PRKCE: variants seen among roughly 807,000 people sequenced by gnomAD.
PRKCE encodes protein kinase C epsilon.
Under a neutral mutation model 85.4 loss-of-function variants are expected in PRKCE, and 16 were observed. The observed-to-expected ratio is 0.19, with a 90% CI of 0.13 to 0.28. PRKCE has a LOEUF of 0.28. PRKCE is among the 10% of genes least tolerant of loss of function. The pLI is 1.00. For missense variants in PRKCE, 573 were observed against 975.2 expected, an observed-to-expected ratio of 0.59 and a Z score of 5.49; for synonymous variants, 388 against 371.5, an observed-to-expected ratio of 1.04 and a Z score of -0.51.
At chr2:46,005,843 G>A (rs534116483) in intron 8 of PRKCE, among the ~76,000 whole-genome samples, 2 of 152,330 alleles carry the variant, frequency 1.3e-5, no homozygotes, top group South Asian at 2.1e-4. Context: ...GTAGCCTGAT[G>A]TACTCTGGGG....
At chr2:45,941,334 A>C (rs1347829626) in intron 2 of PRKCE, among the ~76,000 whole-genome samples, 3 of 152,192 alleles carry the variant, frequency 2.0e-5, no homozygotes, top group Non-Finnish European at 4.4e-5. Context: ...CTGCATGTTC[A>C]ACAAATATTG....
At chr2:46,110,476 A>C (rs1247596897) in intron 11 of PRKCE, among the ~76,000 whole-genome samples, 1 of 152,212 alleles carries the variant, frequency 6.6e-6, no homozygotes, top group African/African-American at 2.4e-5. Context: ...ATTTGTGGGC[A>C]TAAAGTTCTT....
chr2:46,097,146 C>G (rs1670766519), intron 11 of PRKCE, among the ~76,000 whole-genome samples: 1 of 152,098 alleles, frequency 6.6e-6, no homozygotes, highest in African/African-American at 2.4e-5. Context: ...GACCCAGGGA[C>G]AGGATATATT....
chr2:45,865,641 G>T lies in PRKCE; in HGVS notation c.412+22578G>T, dbSNP rs528656276. On this transcript the variant is annotated intron_variant, in intron 2 of 14. Transcript: ENST00000306156. ...GGACCTTGTAACAGAAGCTCCATCAGCATTCAGCCTGCTTGCCTTTCCAAC... is the reference window on the plus strand; with the variant it reads ...GGACCTTGTAACAGAAGCTCCATCATCATTCAGCCTGCTTGCCTTTCCAAC... 1.8e-3 allele frequency among the ~76,000 whole-genome samples: 281 copies of T among 152,244 alleles called. 1 individual carries two copies. Among genetic ancestry groups the T allele is most frequent in the Non-Finnish European group, 2.4e-3 (164 of 68,004 alleles).
intron 2 of PRKCE, among the ~76,000 whole-genome samples, chr2:45,878,648 G>T (rs997293903): frequency 2.0e-5 from 3 of 152,116 alleles, no homozygotes; most frequent in African/African-American, 7.2e-5. Flanking sequence ...ATTTTCAGGG[G>T]TTGTTATTTT....
At chr2:45,653,381 T>TTTTTTTTTTG (rs2103676445) in intron 1 of PRKCE, among the ~76,000 whole-genome samples, 1 of 143,030 alleles carries the variant, frequency 7.0e-6, no homozygotes, top group South Asian at 2.3e-4. Context: ...TTTTTTTTTT[T>TTTTTTTTTTG]TTTTTTTTTT....
chr2:46,088,587 C>T (rs1245490260), intron 11 of PRKCE, among the ~76,000 whole-genome samples: 1 of 152,178 alleles, frequency 6.6e-6, no homozygotes, highest in Non-Finnish European at 1.5e-5. Flanking sequence ...ACATGCTCTT[C>T]TTGATTTGTG....
rs138159636 is a variant in PRKCE, at chr2:46,099,420, A to G, written c.1592+13058A>G. Among the ~76,000 whole-genome samples, 395 of 152,284 alleles carry G rather than the reference A, an allele frequency of 2.6e-3. 4 individuals carry two copies. Among genetic ancestry groups the G allele is most frequent in the Middle Eastern group, 0.01 (3 of 294 alleles). On this transcript the variant is annotated intron_variant, in intron 11 of 14. Transcript: ENST00000306156. Reference sequence around the variant, plus strand: ...TTTATTACCAAGATCTTAAGCATCAATAGTCACAATACAACATGTTTCCAC... The same window carrying G: ...TTTATTACCAAGATCTTAAGCATCAGTAGTCACAATACAACATGTTTCCAC...
In PRKCE at chr2:46,004,817, T is replaced by C. The variant is rs560220428; in HGVS notation, c.1063+179T>C. ...GTTCTTTCATTCTCCAAGACCTTCT[T>C]GAGGGCTGGGCACTCCATGGCCATA... On this transcript the variant is annotated intron_variant, in intron 8 of 14. Coordinates refer to ENST00000306156, the MANE Select transcript of PRKCE (RefSeq NM_005400.3). This position sits in a 1 kb window ranked among gnomAD's most constrained non-coding sequence, Gnocchi z 4.1. Among the ~76,000 whole-genome samples the C allele has an allele frequency of 6.6e-6, 1 of 152,302 alleles. No individual in the cohort carries two copies. Among genetic ancestry groups the C allele is most frequent in the African/African-American group, 2.4e-5 (1 of 41,574 alleles).
rs1412571807 is a variant in PRKCE at position 46,138,738 on chromosome 2, C to T, written c.1593-6355C>T. On this transcript the variant is annotated intron_variant, in intron 11 of 14. Transcript: ENST00000306156. This position sits in a 1 kb window ranked among gnomAD's most constrained non-coding sequence, Gnocchi z 4.2. ...AGCTGGAGAGGGGGCATACTAATAGCACCTAATGCATCTAATGCATAACAT... is the reference window on the plus strand; with the variant it reads ...AGCTGGAGAGGGGGCATACTAATAGTACCTAATGCATCTAATGCATAACAT... 6.6e-6 allele frequency among the ~76,000 whole-genome samples: 1 copy of T among 152,160 alleles called. No homozygotes were observed. The highest frequency in any genetic ancestry group is 1.5e-5 in the Non-Finnish European group (1 of 68,006).
chr2:46,069,595 A>G (rs1197175349), intron 10 of PRKCE, among the ~76,000 whole-genome samples: 1 of 152,210 alleles, frequency 6.6e-6, no homozygotes, highest in Non-Finnish European at 1.5e-5. Flanking sequence ...TACACAGTTT[A>G]TATGGGCCCT....
intron 11 of PRKCE, among the ~76,000 whole-genome samples, chr2:46,092,432 G>A (rs761620158): frequency 6.6e-6 from 1 of 152,154 alleles, no homozygotes. Context: ...CCAGAATTGG[G>A]CAGAGGGGAG....
Position 46,001,696 on chromosome 2 carries a change from AT to A in PRKCE, c.966+151del. 6.4e-6 allele frequency: 6 copies of A among 942,016 alleles called. No individual in the cohort carries two copies. The highest frequency in any genetic ancestry group is 8.6e-6 in the Non-Finnish European group (6 of 695,042). The allele number at this position is 942,016 out of a possible 1,614,324, so 58.4% of individuals were successfully genotyped here. ...GCAGTACTTAAAGAAAAAAACAAAG[AT>A]AGAAGCCAGGCAGGTAACATTAATG... On this transcript the variant is annotated intron_variant, in intron 7 of 14. Transcript: ENST00000306156. The surrounding 1 kb of genome is among the most constrained non-coding windows in gnomAD (Gnocchi z 4.4).
rs924402133 is a variant in PRKCE at position 45,766,544 on chromosome 2, T to G, written c.349-76456T>G. On this transcript the variant is annotated intron_variant, in intron 1 of 14. Coordinates refer to ENST00000306156, the MANE Select transcript of PRKCE (RefSeq NM_005400.3). Reference sequence around the variant, plus strand: ...AGAGAGATAGTTGAGGGAAGCATGATAAACAAATCACAGTAAGACAAAGGA... The same window carrying G: ...AGAGAGATAGTTGAGGGAAGCATGAGAAACAAATCACAGTAAGACAAAGGA... Among the ~76,000 whole-genome samples, 15 of 152,284 alleles carry G rather than the reference T, an allele frequency of 9.9e-5. No homozygotes were observed. In the South Asian group the frequency reaches 1.7e-3, roughly 17 times the overall value.
intron 1 of PRKCE, among the ~76,000 whole-genome samples, chr2:45,705,036 A>AAT (rs1050742356): frequency 2.6e-4 from 40 of 152,304 alleles, no homozygotes; most frequent in African/African-American, 9.6e-4. Flanking sequence ...AGATGAGATA[A>AAT]AGCAGGTGGA....
At chr2:45,908,354 C>A (rs988885966) in intron 2 of PRKCE, among the ~76,000 whole-genome samples, 3 of 152,182 alleles carry the variant, frequency 2.0e-5, no homozygotes, top group African/African-American at 7.2e-5. Context: ...AGAAACGGAC[C>A]AGGAGCAAGG....
At chr2:46,006,293 G>A (rs551043977) in intron 8 of PRKCE, among the ~76,000 whole-genome samples, 96 of 152,182 alleles carry the variant, frequency 6.3e-4, no homozygotes, top group Non-Finnish European at 1.1e-3. Flanking sequence ...AATAACTGAG[G>A]CTTTTAGCTC....
At chr2:46,018,155 G>A (rs191852448) in intron 10 of PRKCE, among the ~76,000 whole-genome samples, 86 of 152,344 alleles carry the variant, frequency 5.6e-4, no homozygotes, top group Non-Finnish European at 8.7e-4. Flanking sequence ...TTCTGAAAGC[G>A]TAAGAGAGAA....
intron 1 of PRKCE, among the ~76,000 whole-genome samples, chr2:45,734,527 G>A (rs1046956514): frequency 1.3e-5 from 2 of 152,230 alleles, no homozygotes; most frequent in African/African-American, 4.8e-5. Flanking sequence ...GCAAATGCCA[G>A]TGAGAGAAGC....
Sources: allele counts gnomAD v4.1 joint callset (sites outside exome capture counted in the v4.1 genomes callset), GRCh38; gene constraint gnomAD v4.1.1; non-coding constraint Gnocchi (gnomAD v3.1); transcripts MANE v1.5; gene names NCBI Gene and HGNC (gene_info 2026-07-23, HGNC 2026-07-21).